The following CEP162 variants were observed in gnomAD, a reference collection of about 807,000 sequenced individuals.
CEP162 encodes centrosomal protein 162, also known as centrosomal protein of 162 kDa.
Under a neutral mutation model 169.2 loss-of-function variants are expected in CEP162, and 141 were observed. That is an observed-to-expected ratio of 0.83 (90% CI 0.73 to 0.96). CEP162 has a LOEUF of 0.96. Ranked by LOEUF, CEP162 falls within the 40% of genes least tolerant of loss-of-function variation. The pLI, the probability that CEP162 is intolerant of heterozygous loss-of-function variation, is 0.00. For synonymous variants in CEP162, 540 were observed against 526.4 expected (o/e 1.03, Z -0.35); for missense variants, 1,600 against 1,587.2 (o/e 1.01, Z -0.14).
rs148095839 is a variant in CEP162, at chr6:84,198,699, A to G, written c.835+2090T>C. On this transcript the variant is annotated intron_variant, in intron 9 of 26. Coordinates refer to ENST00000403245, the MANE Select transcript of CEP162 (RefSeq NM_014895.4). ...CATGTATTATTAACAGAGGGTTGAC[A>G]TAAATAATGATGATAATAACAACAA... 8.5e-4 allele frequency among the ~76,000 whole-genome samples: 129 copies of G among 152,336 alleles called. 1 individual carries two copies. In the East Asian group the frequency reaches 0.022, roughly 26 times the overall value.
At position 84,125,045 on chromosome 6, in the gene CEP162, G is replaced by C. The variant is rs557469855; in HGVS notation, c.*25C>G. On this transcript the variant is annotated 3_prime_UTR_variant, in exon 27 of 27. Coordinates refer to ENST00000403245, the MANE Select transcript of CEP162 (RefSeq NM_014895.4). Reference sequence around the variant, plus strand: ...CATCCATCTTCAGGCCTTTTAATAAGGTCATTATGAAATCTGAATTTCTAT... The same window carrying C: ...CATCCATCTTCAGGCCTTTTAATAACGTCATTATGAAATCTGAATTTCTAT... The C allele has an allele frequency of 6.4e-7, 1 of 1,563,572 alleles. No homozygotes were observed. Among genetic ancestry groups the C allele is most frequent in the South Asian group, 1.1e-5 (1 of 88,606 alleles).
At chr6:84,147,883 AAG>A (rs1353074856) in intron 24 of CEP162, among the ~76,000 whole-genome samples, 1 of 152,142 alleles carries the variant, frequency 6.6e-6, no homozygotes, top group Non-Finnish European at 1.5e-5. Context: ...TCAAGAAACT[AAG>A]AGAAATTGGG....
At chr6:84,130,435 C>T (rs1345704868) in intron 25 of CEP162, among the ~76,000 whole-genome samples, 2 of 152,168 alleles carry the variant, frequency 1.3e-5, no homozygotes, top group African/African-American at 2.4e-5. Flanking sequence ...AGGATTGGTA[C>T]CAGCTCCTCT....
chr6:84,125,621 T>C (rs2099508618), intron 26 of CEP162, among the ~76,000 whole-genome samples: 1 of 152,064 alleles, frequency 6.6e-6, no homozygotes, highest in Non-Finnish European at 1.5e-5. Flanking sequence ...GAAGAGATCA[T>C]CACCAGAAGA....
In CEP162 at chr6:84,163,151, A is replaced by G. The variant is rs779747007; in HGVS notation, c.2505T>C (p.Tyr835=). 5 of 1,613,318 alleles carry G rather than the reference A, an allele frequency of 3.1e-6. No individual in the cohort carries two copies. Among genetic ancestry groups the G allele is most frequent in the African/African-American group, 2.7e-5 (2 of 74,912 alleles). ...TTCAGCTCAGTGTTTTACCTGTGAC[A>G]TAAGCAATCTGATCTTTGGCTTGGT... is the stretch of plus-strand genomic sequence containing the variant. The part of the protein sequence containing the change: ...ERDQAKDQIA[Y]VTGEKLYEIK... The change falls in exon 19 of 27, where the codon TAT becomes TAC. Residue 835 remains tyrosine (Y), a synonymous_variant. Coordinates refer to ENST00000403245, the MANE Select transcript of CEP162 (RefSeq NM_014895.4).
intron 25 of CEP162, among the ~76,000 whole-genome samples, chr6:84,129,908 G>A (rs1473168461): frequency 1.3e-5 from 2 of 152,150 alleles, no homozygotes; most frequent in Non-Finnish European, 2.9e-5. Flanking sequence ...GAATTGAATA[G>A]GAGTGGTGAG....
At chr6:84,130,314 T>A (rs2099510785) in intron 25 of CEP162, among the ~76,000 whole-genome samples, 1 of 152,110 alleles carries the variant, frequency 6.6e-6, no homozygotes, top group South Asian at 2.1e-4. Flanking sequence ...TGGCCTGAAA[T>A]TTTCTTTTTT....
chr6:84,185,468 G>A lies in CEP162; in HGVS notation c.1402-20C>T. 1 of 1,590,232 alleles carries A rather than the reference G, an allele frequency of 6.3e-7. No homozygotes were observed. The highest frequency in any genetic ancestry group is 8.6e-7 in the Non-Finnish European group (1 of 1,165,462). Reference sequence around the variant, plus strand: ...GTAAGTCTGTACACAACAAACAAAAGCTCTTTAGTACCTAAATAAACTTTA... The same window carrying A: ...GTAAGTCTGTACACAACAAACAAAAACTCTTTAGTACCTAAATAAACTTTA... On this transcript the variant is annotated intron_variant, in intron 12 of 26. Coordinates refer to ENST00000403245, the MANE Select transcript of CEP162 (RefSeq NM_014895.4).
intron 26 of CEP162, 79 bp from the exon 27 acceptor site, chr6:84,125,355 A>G: frequency 8.0e-7 from 1 of 1,249,344 alleles, no homozygotes; most frequent in Non-Finnish European, 1.1e-6. Flanking sequence ...TAAAGTAGGC[A>G]AACCTGGGGT....
chr6:84,199,301 G>A (rs1047129158), intron 9 of CEP162, among the ~76,000 whole-genome samples: 1 of 152,080 alleles, frequency 6.6e-6, no homozygotes, highest in Non-Finnish European at 1.5e-5. Flanking sequence ...GGAAAATTAT[G>A]TCTTATAGTT....
intron 13 of CEP162, among the ~76,000 whole-genome samples, chr6:84,175,630 A>G (rs965268746): frequency 6.6e-6 from 1 of 152,268 alleles, no homozygotes; most frequent in Admixed American, 6.5e-5. Context: ...GAATGTGGAT[A>G]GAAATAACTT....
At chr6:84,126,137 T>C (rs1394048519) in intron 26 of CEP162, among the ~76,000 whole-genome samples, 1 of 152,136 alleles carries the variant, frequency 6.6e-6, no homozygotes, top group African/African-American at 2.4e-5. Flanking sequence ...CCATCAATAA[T>C]TAAGAACATG....
intron 9 of CEP162, among the ~76,000 whole-genome samples, 156 bp from the exon 10 acceptor site, chr6:84,195,231 A>G (rs1458364330): frequency 6.6e-6 from 1 of 152,232 alleles, no homozygotes; most frequent in African/African-American, 2.4e-5. Flanking sequence ...ATGGATTCAT[A>G]GCAGGCTCAA....
chr6:84,189,201 A>G (rs1233579796), intron 11 of CEP162, among the ~76,000 whole-genome samples: 2 of 149,238 alleles, frequency 1.3e-5, no homozygotes, highest in Admixed American at 1.3e-4. Context: ...AGGTGACAGC[A>G]TGCTGGCAGT....
rs184826778 is a variant in CEP162, at chr6:84,154,346, G to A, written c.2994+952C>T. Among the ~76,000 whole-genome samples the A allele has an allele frequency of 2.3e-3, 340 of 149,968 alleles. 2 individuals are homozygous for A. The highest frequency in any genetic ancestry group is 8.4e-3 in the African/African-American group (334 of 39,746). ...TATCTATCTATCTGTCTGTCTGTCT[G>A]TCTGTCTGTCTGTCTATCTATCTAT... On this transcript the variant is annotated intron_variant, in intron 22 of 26. Transcript: ENST00000403245.
At chr6:84,160,239 C>T (rs1241488058) in intron 21 of CEP162, among the ~76,000 whole-genome samples, 4 of 152,078 alleles carry the variant, frequency 2.6e-5, no homozygotes, top group Admixed American at 2.0e-4. Flanking sequence ...AACAATCTTG[C>T]TTCCTAAAAC....
chr6:84,170,093 G>T (rs1338763642), intron 17 of CEP162, among the ~76,000 whole-genome samples: 1 of 152,046 alleles, frequency 6.6e-6, no homozygotes, highest in Admixed American at 6.5e-5. Flanking sequence ...GCATAAGTAG[G>T]CCAGGCACGG....
chr6:84,218,655 T>C (rs567346539), intron 3 of CEP162, among the ~76,000 whole-genome samples: 128 of 152,354 alleles, frequency 8.4e-4, no homozygotes, highest in African/African-American at 3.0e-3. Context: ...GAAGCCTTAT[T>C]AAGAAGTCAC....
In CEP162 at chr6:84,125,131, T is replaced by G; in HGVS notation, c.4151A>C (p.His1384Pro). ...DSILDVLREL[H>P]RQGVVVPVAF... ...AACTGGCACAACCACTCCTTGCCGG[T>G]GCAGCTCTCGGAGAACATCTAATAT... The change falls in exon 27 of 27, where the codon CAC becomes CCC. Residue 1384 changes from histidine (H) to proline (P), a missense_variant. Coordinates refer to ENST00000403245, the MANE Select transcript of CEP162 (RefSeq NM_014895.4). 1 of 1,613,600 alleles carries G rather than the reference T, an allele frequency of 6.2e-7. No individual in the cohort carries two copies.
Sources: gnomAD v4.1 joint callset for allele counts (sites outside exome capture counted in the v4.1 genomes callset) on GRCh38, gnomAD v4.1.1 for gene constraint, MANE v1.5 for transcripts, NCBI Gene and HGNC (gene_info 2026-07-23, HGNC 2026-07-21) for gene names.